ASAP1: variants seen among roughly 807,000 people sequenced by gnomAD.
ASAP1 encodes the protein ArfGAP with SH3 domain, ankyrin repeat and PH domain 1.
Under a neutral mutation model 145.2 loss-of-function variants are expected in ASAP1, and 43 were observed. That is an observed-to-expected ratio of 0.30 (90% confidence interval 0.23 to 0.38). ASAP1 has a LOEUF of 0.38. Among genes scored for constraint, ASAP1 ranks in the 10% least tolerant of loss-of-function variants. The pLI, the probability that ASAP1 is intolerant of heterozygous loss-of-function variation, is 1.00. For missense variants in ASAP1, 1,018 were observed against 1,355.3 expected (o/e 0.75, Z 3.91); for synonymous variants, 546 against 515.5 (o/e 1.06, Z -0.80).
chr8:130,187,997 C>T, intron 6 of ASAP1, 112 bp downstream of exon 6: 1 of 795,564 alleles, frequency 1.3e-6, no homozygotes, highest in Non-Finnish European at 2.1e-6. Context: ...ATTTTTAACG[C>T]TGAAAATGTT....
At chr8:130,274,499 G>A (rs768554101) in intron 3 of ASAP1, among the ~76,000 whole-genome samples, 19 of 152,138 alleles carry the variant, frequency 1.2e-4, no homozygotes, top group Admixed American at 1.2e-3. Flanking sequence ...CAGACCACTC[G>A]ATCTACCTTA....
At chr8:130,101,867 C>T (rs766468244) in intron 24 of ASAP1, among the ~76,000 whole-genome samples, 7 of 150,922 alleles carry the variant, frequency 4.6e-5, no homozygotes, top group Admixed American at 1.3e-4. Context: ...AGCATCACAC[C>T]CGGCTTTTTC....
intron 15 of ASAP1, among the ~76,000 whole-genome samples, chr8:130,130,390 A>T (rs778367419): frequency 6.6e-6 from 1 of 152,210 alleles, no homozygotes; most frequent in African/African-American, 2.4e-5. Flanking sequence ...GGAGCTCATG[A>T]CAAATAAATA....
intron 23 of ASAP1, 123 bp downstream of exon 23, chr8:130,115,505 T>C: frequency 2.7e-6 from 2 of 751,868 alleles, no homozygotes; most frequent in Non-Finnish European, 4.6e-6. Flanking sequence ...ACAACATAAA[T>C]GGCCCTGATA....
At chr8:130,191,912 T>C (rs1202833815) in intron 5 of ASAP1, among the ~76,000 whole-genome samples, 1 of 152,130 alleles carries the variant, frequency 6.6e-6, no homozygotes, top group East Asian at 1.9e-4. Context: ...TTCCTGTTGT[T>C]TTCATCTTAG....
chr8:130,335,896 T>G (rs910839097), intron 3 of ASAP1, among the ~76,000 whole-genome samples: 1 of 152,158 alleles, frequency 6.6e-6, no homozygotes, highest in African/African-American at 2.4e-5. Context: ...TCTGAGTCAG[T>G]CAAAAATAAG....
intron 2 of ASAP1, among the ~76,000 whole-genome samples, chr8:130,386,194 G>A (rs190053733): frequency 6.6e-6 from 1 of 152,140 alleles, no homozygotes; most frequent in Middle Eastern, 3.2e-3. Flanking sequence ...AGAGGAAGGG[G>A]GCGAGAGATT....
chr8:130,431,751 G>GA (rs1309822355), intron 1 of ASAP1, among the ~76,000 whole-genome samples: 5 of 151,736 alleles, frequency 3.3e-5, no homozygotes, highest in African/African-American at 1.2e-4. Flanking sequence ...CAGGATAGCA[G>GA]AGTATGCAGC....
chr8:130,392,369 T>C (rs1462444375), intron 2 of ASAP1, among the ~76,000 whole-genome samples: 1 of 152,236 alleles, frequency 6.6e-6, no homozygotes, highest in African/African-American at 2.4e-5. Flanking sequence ...GGAAAAGGGA[T>C]GTGCATTCAT....
At chr8:130,060,157 T>C (rs2097415598) in intron 28 of ASAP1, among the ~76,000 whole-genome samples, 1 of 151,042 alleles carries the variant, frequency 6.6e-6, no homozygotes, top group Admixed American at 6.6e-5. Context: ...TGGTTTCTCG[T>C]GACCCTCAGG....
intron 11 of ASAP1, among the ~76,000 whole-genome samples, chr8:130,164,576 GA>G (rs1307622587): frequency 1.3e-5 from 2 of 152,168 alleles, no homozygotes; most frequent in Non-Finnish European, 2.9e-5. Context: ...GGGCGACAGA[GA>G]CTCCGTCTCA....
In ASAP1 at chr8:130,151,370, C is replaced by CAAAAA. The variant is rs58367856; in HGVS notation, c.1080+1361_1080+1365dup. Among the ~76,000 whole-genome samples the CAAAAA allele has an allele frequency of 2.3e-3, 142 of 62,836 alleles. 3 individuals carry two copies. The highest frequency in any genetic ancestry group is 0.013 in the Middle Eastern group (1 of 80). 41.2% of individuals were successfully genotyped at this position (62,836 alleles called of 152,430 possible). A position where few individuals can be genotyped will look rare whatever the true frequency, so the allele number is the denominator to read the frequency against. ...TGGGTGAAAGAGCGAGACTCAGTCTCAAAAAAAAAAAAAAAAAAAAAAAAA... is the reference window on the plus strand; with the variant it reads ...TGGGTGAAAGAGCGAGACTCAGTCTCAAAAAAAAAAAAAAAAAAAAAAAAAAAAAA... On this transcript the variant is annotated intron_variant, in intron 13 of 29. Coordinates refer to ENST00000518721, the MANE Select transcript of ASAP1 (RefSeq NM_018482.4).
chr8:130,440,176 C>G (rs971296059), intron 1 of ASAP1, among the ~76,000 whole-genome samples: 2 of 152,132 alleles, frequency 1.3e-5, no homozygotes, highest in African/African-American at 2.4e-5. Flanking sequence ...ATCCTCTTTC[C>G]TCCTAAGTGG....
intron 24 of ASAP1, among the ~76,000 whole-genome samples, chr8:130,106,634 T>G (rs931877310): frequency 6.6e-6 from 1 of 152,250 alleles, no homozygotes; most frequent in African/African-American, 2.4e-5. Context: ...GGGACATGCT[T>G]TCACTGATTC....
At chr8:130,271,532 G>A (rs137945437) in intron 3 of ASAP1, among the ~76,000 whole-genome samples, 40 of 152,296 alleles carry the variant, frequency 2.6e-4, no homozygotes, top group African/African-American at 8.7e-4. Context: ...GCTCAGATGC[G>A]TGGGCTATTC....
intron 3 of ASAP1, among the ~76,000 whole-genome samples, chr8:130,324,392 G>C (rs533181480): frequency 6.6e-6 from 1 of 152,306 alleles, no homozygotes. Context: ...TGAAAAGGTT[G>C]AATATCATTA....
intron 3 of ASAP1, among the ~76,000 whole-genome samples, chr8:130,298,476 A>G (rs1250218232): frequency 6.6e-6 from 1 of 152,184 alleles, no homozygotes; most frequent in Non-Finnish European, 1.5e-5. Context: ...TCACTGGGTC[A>G]TGTCTACAAA....
In ASAP1 at chr8:130,060,932, C is replaced by T. The variant is rs757530775; in HGVS notation, c.2839G>A (p.Ala947Thr). The T allele has an allele frequency of 2.5e-6, 4 of 1,610,140 alleles. No individual in the cohort carries two copies. The highest frequency in any genetic ancestry group is 3.4e-6 in the Non-Finnish European group (4 of 1,177,682). Residue 947 changes from alanine to threonine, a missense_variant, in exon 28 of 30, where the codon GCC (alanine) becomes ACC (threonine). Ala to Thr is a moderately conservative substitution (Grantham distance 58). Transcript: ENST00000518721. ...AAATCTCCAATTTGGGGCTTGGGGG[C>T]CAGTTCTGTGGGCTTTGGGGGCAGG... The part of the protein sequence containing the change: ...GDLPPKPTEL[A>T]PKPQIGDLPP...
chr8:130,276,687 AACACACACACACACACAC>A lies in ASAP1; in HGVS notation c.187-39711_187-39694del, dbSNP rs1161892776. Among the ~76,000 whole-genome samples, 8 of 91,698 alleles carry A rather than the reference AACACACACACACACACAC, an allele frequency of 8.7e-5. No individual in the cohort carries two copies. In the East Asian group the frequency reaches 2.6e-3, roughly 29 times the overall value. 60.2% of individuals were successfully genotyped at this position (91,698 alleles called of 152,430 possible). A position where few individuals can be genotyped will look rare whatever the true frequency, so the allele number is the denominator to read the frequency against. ...ACGTGAACTGAGAGCCAAGACTGCA[AACACACACACACACACAC>A]ACACACACACACACACACACACACT... On this transcript the variant is annotated intron_variant, in intron 3 of 29. Coordinates refer to ENST00000518721, the MANE Select transcript of ASAP1 (RefSeq NM_018482.4).
Sources: allele counts gnomAD v4.1 joint callset (sites outside exome capture counted in the v4.1 genomes callset), GRCh38; gene constraint gnomAD v4.1.1; transcripts MANE v1.5; gene names NCBI Gene and HGNC (gene_info 2026-07-23, HGNC 2026-07-21).